Variants in RFX1 observed in about 807,000 individuals in gnomAD.
The protein encoded by RFX1 is regulatory factor X1, also known as MHC class II regulatory factor RFX1.
In RFX1, 42 loss-of-function variants were observed where a neutral mutation model predicts 119.6. That is an observed-to-expected ratio of 0.35 (90% CI 0.27 to 0.45). RFX1 has a LOEUF of 0.45. RFX1 is among the 20% of genes least tolerant of loss of function. The pLI is 1.00. For synonymous variants in RFX1, 628 were observed against 618.5 expected (o/e 1.02, Z -0.23); for missense variants, 1,118 against 1,368.1 (o/e 0.82, Z 2.88).
At position 13,963,283 on chromosome 19, in the gene RFX1, T is replaced by C. The variant is rs765874097; in HGVS notation, c.2571-8A>G. On this transcript the variant is annotated splice_polypyrimidine_tract_variant and splice_region_variant and intron_variant, in intron 18 of 20. Transcript: ENST00000254325. Reference sequence around the variant, plus strand: ...TCCCGGATCACCATGGAGCTGGGGATGGAGACGGAGAGGAGACCGTCAGGC... The same window carrying C: ...TCCCGGATCACCATGGAGCTGGGGACGGAGACGGAGAGGAGACCGTCAGGC... The C allele has an allele frequency of 1.2e-6, 2 of 1,606,044 alleles. No homozygotes were observed. Among genetic ancestry groups the C allele is most frequent in the Admixed American group, 1.7e-5 (1 of 59,564 alleles).
chr19:13,979,528 C>T lies in RFX1; in HGVS notation c.753G>A (p.Gln251=), dbSNP rs1339341374. Residue 251 remains glutamine, a synonymous_variant, in exon 7 of 21, where the codon CAG becomes CAA. Coordinates refer to ENST00000254325, the MANE Select transcript of RFX1 (RefSeq NM_002918.5). ...CGGGTTTGGGCGCTTGTGGAGTGGC[C>T]TGGACCACAGATCTCTGGGAGGGGA... is the stretch of plus-strand genomic sequence containing the variant. ...VPVTQERSVV[Q]ATPQAPKPGP... 1.3e-6 allele frequency: 2 copies of T among 1,593,762 alleles called. No individual in the cohort carries two copies. The highest frequency in any genetic ancestry group is 1.3e-5 in the African/African-American group (1 of 74,074).
At chr19:13,974,793 C>G (rs1010539095) in intron 8 of RFX1, among the ~76,000 whole-genome samples, 2 of 152,164 alleles carry the variant, frequency 1.3e-5, no homozygotes, top group Non-Finnish European at 2.9e-5. Flanking sequence ...CACCTGTAAT[C>G]CCAGCACTTT....
chr19:13,976,527 G>A (rs1411047886), intron 8 of RFX1, among the ~76,000 whole-genome samples: 2 of 152,340 alleles, frequency 1.3e-5, no homozygotes, highest in South Asian at 4.1e-4. Flanking sequence ...ACCCAGGGAG[G>A]GGAAGAAGCC....
chr19:13,969,697 G>A lies in RFX1; in HGVS notation c.1496+297C>T, dbSNP rs1974012755. The A allele has an allele frequency of 2.9e-6, 1 of 347,646 alleles. No homozygotes were observed. Among genetic ancestry groups the A allele is most frequent in the Non-Finnish European group, 5.2e-6 (1 of 190,852 alleles). The allele number at this position is 347,646 out of a possible 1,614,324, so 21.5% of individuals were successfully genotyped here. ...AAAGTCACGTGTGAGCGTGCTGAAT[G>A]CTAAAGAGAAAAATAAAGCAGGGTT... On this transcript the variant is annotated intron_variant, in intron 10 of 20. Coordinates refer to ENST00000254325, the MANE Select transcript of RFX1 (RefSeq NM_002918.5). This position sits in a 1 kb window ranked among gnomAD's most constrained non-coding sequence, Gnocchi z 4.5.
At position 13,990,270 on chromosome 19, in the gene RFX1, C is replaced by T. The variant is rs1974756527; in HGVS notation, c.319+3255G>A. Among the ~76,000 whole-genome samples, 1 of 152,102 alleles carries T rather than the reference C, an allele frequency of 6.6e-6. No individual in the cohort carries two copies. Among genetic ancestry groups the T allele is most frequent in the African/African-American group, 2.4e-5 (1 of 41,420 alleles). On this transcript the variant is annotated intron_variant, in intron 2 of 20. Coordinates refer to ENST00000254325, the MANE Select transcript of RFX1 (RefSeq NM_002918.5). The surrounding 1 kb of genome is among the most constrained non-coding windows in gnomAD (Gnocchi z 4.1). ...AGCAGCAGAGAGGACCACGGAGGGG[C>T]TGCGGGCGGTGGGCGGAGACCAGGG...
rs56851882 is a variant in RFX1 at position 13,986,934 on chromosome 19, G to T, written c.320-3339C>A. Among the ~76,000 whole-genome samples, 124 of 152,266 alleles carry T rather than the reference G, an allele frequency of 8.1e-4. No individual in the cohort carries two copies. The highest frequency in any genetic ancestry group is 2.9e-3 in the African/African-American group (122 of 41,558). ...CTGCCTCCTGCCCCTGGGCTCCCTG[G>T]GATGATGTCAGTCAGGGGCTCCTGG... On this transcript the variant is annotated intron_variant, in intron 2 of 20. Transcript: ENST00000254325. This position sits in a 1 kb window ranked among gnomAD's most constrained non-coding sequence, Gnocchi z 4.2.
chr19:14,004,754 G>A lies in RFX1; in HGVS notation c.-53+1349C>T, dbSNP rs139813675. Among the ~76,000 whole-genome samples, 215 of 152,164 alleles carry A rather than the reference G, an allele frequency of 1.4e-3. 1 individual carries two copies. Among genetic ancestry groups the A allele is most frequent in the Admixed American group, 4.5e-3 (69 of 15,278 alleles). Reference sequence around the variant, plus strand: ...TGGAATGTATTGACTGATTTAAAAGGAAATGGCTGCAGTTTGCACACCGAC... The same window carrying A: ...TGGAATGTATTGACTGATTTAAAAGAAAATGGCTGCAGTTTGCACACCGAC... On this transcript the variant is annotated intron_variant, in intron 1 of 20. Coordinates refer to ENST00000254325, the MANE Select transcript of RFX1 (RefSeq NM_002918.5).
At chr19:13,978,182 G>A (rs2145577391) in intron 7 of RFX1, 96 bp from the exon 8 acceptor site, 4 of 864,290 alleles carry the variant, frequency 4.6e-6, no homozygotes, top group East Asian at 2.6e-5. Context: ...TATCCCTGAC[G>A]CCCAGCTCCC....
chr19:14,002,674 C>T (rs1975254889), intron 1 of RFX1, among the ~76,000 whole-genome samples: 1 of 152,182 alleles, frequency 6.6e-6, no homozygotes, highest in African/African-American at 2.4e-5. Flanking sequence ...CACAAGCCTG[C>T]TTGTGCTACA....
intron 9 of RFX1, among the ~76,000 whole-genome samples, chr19:13,972,039 C>A (rs1040251386): frequency 6.6e-6 from 1 of 151,906 alleles, no homozygotes; most frequent in Non-Finnish European, 1.5e-5. Flanking sequence ...CATGGTGCGG[C>A]ATGCCTGTAG....
At chr19:13,998,915 C>T (rs1037030769) in intron 1 of RFX1, among the ~76,000 whole-genome samples, 8 of 152,156 alleles carry the variant, frequency 5.3e-5, no homozygotes, top group Admixed American at 2.0e-4. Flanking sequence ...GCCCATGGGC[C>T]TCATCCCTTC....
intron 1 of RFX1, among the ~76,000 whole-genome samples, chr19:13,995,545 T>C (rs1449765500): frequency 1.3e-5 from 2 of 152,150 alleles, no homozygotes; most frequent in African/African-American, 2.4e-5. Context: ...CAGCTGCGGC[T>C]GACTTCAGAA....
intron 8 of RFX1, among the ~76,000 whole-genome samples, chr19:13,975,376 A>C (rs555270926): frequency 6.6e-6 from 1 of 151,972 alleles, no homozygotes; most frequent in Non-Finnish European, 1.5e-5. Flanking sequence ...AAAAAAAAAA[A>C]AATTAAACAT....
At chr19:13,971,131 A>G (rs2145555970) in intron 9 of RFX1, among the ~76,000 whole-genome samples, 1 of 152,026 alleles carries the variant, frequency 6.6e-6, no homozygotes, top group East Asian at 1.9e-4. Flanking sequence ...GTCAGAAGTT[A>G]GAGACCAGCC....
intron 5 of RFX1, among the ~76,000 whole-genome samples, chr19:13,981,453 GGGCGTGGT>G (rs1974427700): frequency 6.6e-6 from 1 of 152,188 alleles, no homozygotes; most frequent in Non-Finnish European, 1.5e-5. Flanking sequence ...AAAATTAGCA[GGGCGTGGT>G]GGCGCATGTC....
rs551091373 is a variant in RFX1 at position 13,990,283 on chromosome 19, G to A, written c.319+3242C>T. ...ACCACGGAGGGGCTGCGGGCGGTGG[G>A]CGGAGACCAGGGCAGTGTGGGCTCC... On this transcript the variant is annotated intron_variant, in intron 2 of 20. Coordinates refer to ENST00000254325, the MANE Select transcript of RFX1 (RefSeq NM_002918.5). The surrounding 1 kb of genome is among the most constrained non-coding windows in gnomAD (Gnocchi z 4.1). Among the ~76,000 whole-genome samples the A allele has an allele frequency of 6.6e-6, 1 of 152,208 alleles. No individual in the cohort carries two copies. Among genetic ancestry groups the A allele is most frequent in the East Asian group, 1.9e-4 (1 of 5,168 alleles).
chr19:13,972,716 C>T, intron 9 of RFX1, 27 bp downstream of exon 9: 1 of 1,558,074 alleles, frequency 6.4e-7, no homozygotes, highest in South Asian at 1.2e-5. Flanking sequence ...TGCCTGCCTC[C>T]TCTGGGGCCC....
At chr19:13,963,490 C>CG in intron 18 of RFX1, 48 bp downstream of exon 18, 1 of 1,523,932 alleles carries the variant, frequency 6.6e-7, no homozygotes, top group South Asian at 1.2e-5. Context: ...CCCAGGGACG[C>CG]GGGGCCTTCC....
intron 2 of RFX1, among the ~76,000 whole-genome samples, chr19:13,988,099 TCA>T (rs1974668821): frequency 6.7e-6 from 1 of 149,802 alleles, no homozygotes; most frequent in Admixed American, 6.7e-5. Flanking sequence ...TGATCTCGAC[TCA>T]CTGCAACCTC....
Sources: allele counts gnomAD v4.1 joint callset (sites outside exome capture counted in the v4.1 genomes callset), GRCh38; gene constraint gnomAD v4.1.1; non-coding constraint Gnocchi (gnomAD v3.1); transcripts MANE v1.5; gene names NCBI Gene and HGNC (gene_info 2026-07-23, HGNC 2026-07-21).